The following NRG1 variants were observed in gnomAD, a reference collection of about 807,000 sequenced individuals.
NRG1 encodes the protein neuregulin 1, also known as pro-neuregulin-1, membrane-bound isoform.
NRG1 carries 18 observed loss-of-function variants against 63.8 expected under a neutral mutation model. The observed-to-expected ratio is 0.28, with a 90% CI of 0.19 to 0.42. NRG1 has a LOEUF of 0.42. Ranked by LOEUF, NRG1 falls within the 10% of genes least tolerant of loss-of-function variation. The pLI, the probability that NRG1 is intolerant of heterozygous loss-of-function variation, is 1.00. For missense variants in NRG1, 762 were observed against 814.7 expected (o/e 0.94, Z 0.79); for synonymous variants, 302 against 301.3 (o/e 1.00, Z -0.02).
intron 1 of NRG1, among the ~76,000 whole-genome samples, chr8:31,695,232 C>T (rs1348292488): frequency 1.3e-5 from 2 of 152,106 alleles, no homozygotes; most frequent in South Asian, 2.1e-4. Context: ...TGCAGTGGTG[C>T]GATTTTGGCT....
At chr8:31,670,079 G>C (rs1806967798) in intron 1 of NRG1, among the ~76,000 whole-genome samples, 1 of 152,112 alleles carries the variant, frequency 6.6e-6, no homozygotes, top group African/African-American at 2.4e-5. Flanking sequence ...AGAAATTCAG[G>C]ACTAAGACAT....
chr8:32,548,285 A>T (rs1210781833), exon 1 of NRG1: 1 of 987,550 alleles, frequency 1.0e-6, no homozygotes, highest in Non-Finnish European at 1.2e-6. Flanking sequence ...GGGGCAATTG[A>T]AAAAGAGCCG....
intron 1 of NRG1, among the ~76,000 whole-genome samples, chr8:31,990,313 C>T (rs927718614): frequency 3.9e-5 from 6 of 152,120 alleles, no homozygotes; most frequent in Admixed American, 2.0e-4. Context: ...TTGCAATTAC[C>T]AAATAGTTGT....
At chr8:32,280,639 C>T (rs1852602478) in intron 1 of NRG1, among the ~76,000 whole-genome samples, 1 of 132,736 alleles carries the variant, frequency 7.5e-6, no homozygotes, top group South Asian at 2.4e-4. Flanking sequence ...GATACAGATG[C>T]TCACATGTCA....
intron 1 of NRG1, among the ~76,000 whole-genome samples, chr8:32,526,033 A>G (rs1303995713): frequency 6.6e-6 from 1 of 152,206 alleles, no homozygotes. Context: ...CTATTGCTAT[A>G]TAACAAATTA....
chr8:32,511,704 G>C (rs1374589264), intron 1 of NRG1, among the ~76,000 whole-genome samples: 1 of 152,146 alleles, frequency 6.6e-6, no homozygotes, highest in East Asian at 1.9e-4. Flanking sequence ...ATTTGAGTCA[G>C]CCATACGTGC....
chr8:32,274,634 C>T (rs935730728), intron 1 of NRG1, among the ~76,000 whole-genome samples: 3 of 152,182 alleles, frequency 2.0e-5, no homozygotes, highest in African/African-American at 7.2e-5. Context: ...CCATTTCTCA[C>T]ATTCTATCCT....
intron 1 of NRG1, among the ~76,000 whole-genome samples, chr8:32,073,112 T>C (rs1396846923): frequency 1.3e-5 from 2 of 152,186 alleles, no homozygotes; most frequent in Non-Finnish European, 1.5e-5. Flanking sequence ...TCTGAAGATA[T>C]TCCATTGAGA....
intron 1 of NRG1, among the ~76,000 whole-genome samples, chr8:32,125,751 TAAG>T (rs1234188679): frequency 6.6e-6 from 1 of 151,948 alleles, no homozygotes; most frequent in Admixed American, 6.6e-5. Flanking sequence ...AGTCTTTTGA[TAAG>T]AAAGATCTCC....
At chr8:31,700,427 A>C (rs1054990850) in intron 1 of NRG1, among the ~76,000 whole-genome samples, 2 of 152,118 alleles carry the variant, frequency 1.3e-5, no homozygotes, top group Non-Finnish European at 2.9e-5. Context: ...GTTTGTGTGG[A>C]GCTGGTGAAA....
At chr8:32,724,308 C>A (rs866074580) in intron 5 of NRG1, among the ~76,000 whole-genome samples, 3 of 152,258 alleles carry the variant, frequency 2.0e-5, no homozygotes, top group Middle Eastern at 3.4e-3. Flanking sequence ...CAGTTCACCT[C>A]CTTCCTGGAA....
chr8:32,685,744 A>G (rs1809942434), intron 5 of NRG1, among the ~76,000 whole-genome samples: 1 of 152,216 alleles, frequency 6.6e-6, no homozygotes. Context: ...TGGTCAATAC[A>G]TGAGCCAAAT....
intron 1 of NRG1, among the ~76,000 whole-genome samples, chr8:32,324,603 G>T (rs534055394): frequency 6.6e-6 from 1 of 152,126 alleles, no homozygotes; most frequent in Admixed American, 6.6e-5. Flanking sequence ...TTTGATGAGA[G>T]AATACTTTAA....
chr8:32,082,905 A>T lies in NRG1; in HGVS notation c.37+443474A>T, dbSNP rs147223124. Among the ~76,000 whole-genome samples, 14 of 152,266 alleles carry T rather than the reference A, an allele frequency of 9.2e-5. 1 individual carries two copies. Among genetic ancestry groups the T allele is most frequent in the African/African-American group, 3.4e-4 (14 of 41,562 alleles). On this transcript the variant is annotated intron_variant, in intron 1 of 10. Transcript: ENST00000519301. Reference sequence around the variant, plus strand: ...CAAGGTGCATGCTGATAGTCACTATAAATAAATAAATACATATGTCAACAT... The same window carrying T: ...CAAGGTGCATGCTGATAGTCACTATTAATAAATAAATACATATGTCAACAT...
intron 1 of NRG1, among the ~76,000 whole-genome samples, chr8:32,585,806 T>C (rs566327670): frequency 5.9e-5 from 9 of 152,354 alleles, no homozygotes; most frequent in Admixed American, 3.3e-4. Context: ...TAATGTCATG[T>C]GGTGTATCCC....
intron 1 of NRG1, among the ~76,000 whole-genome samples, chr8:32,531,451 GA>G (rs1333164516): frequency 1.3e-5 from 2 of 151,972 alleles, no homozygotes; most frequent in African/African-American, 4.8e-5. Context: ...TTAGAGGAAA[GA>G]TTACTCTGAT....
chr8:32,490,102 G>A (rs981232806), intron 1 of NRG1, among the ~76,000 whole-genome samples: 1 of 152,118 alleles, frequency 6.6e-6, no homozygotes, highest in African/African-American at 2.4e-5. Context: ...TTAGGAGTTT[G>A]AGACTAGCCT....
At chr8:32,281,186 T>TTTTTTTTTTTTTTTTTTC (rs1304330435) in intron 1 of NRG1, among the ~76,000 whole-genome samples, 2 of 124,588 alleles carry the variant, frequency 1.6e-5, no homozygotes, top group Non-Finnish European at 3.3e-5. Flanking sequence ...AGTTTTTCCT[T>TTTTTTTTTTTTTTTTTTC]TTTTTTTTTG....
At chr8:32,116,420 A>T (rs1832718210) in intron 1 of NRG1, among the ~76,000 whole-genome samples, 1 of 152,146 alleles carries the variant, frequency 6.6e-6, no homozygotes, top group Admixed American at 6.5e-5. Flanking sequence ...GAGAAGTGTA[A>T]GGTCAGAGAG....
Sources: gnomAD v4.1 joint callset for allele counts (sites outside exome capture counted in the v4.1 genomes callset) on GRCh38, gnomAD v4.1.1 for gene constraint, MANE v1.5 for transcripts, NCBI Gene and HGNC (gene_info 2026-07-23, HGNC 2026-07-21) for gene names.